MON2: variants seen among roughly 807,000 people sequenced by gnomAD.
MON2 encodes the protein MON2 regulator of endosome-to-Golgi trafficking, also known as protein MON2 homolog.
MON2 carries 84 observed loss-of-function variants against 208.6 expected under a neutral mutation model. The observed-to-expected ratio is 0.40, with a 90% confidence interval of 0.34 to 0.48. The LOEUF (loss-of-function observed/expected upper bound fraction) is 0.48. Ranked by LOEUF, MON2 falls within the 20% of genes least tolerant of loss-of-function variation. MON2 has a pLI of 0.59. For missense variants in MON2, 1,611 were observed against 2,015.4 expected (o/e 0.80, Z 3.84); for synonymous variants, 660 against 694.0 (o/e 0.95, Z 0.77).
intron 26 of MON2, among the ~76,000 whole-genome samples, chr12:62,563,850 C>T (rs1475894267): frequency 6.6e-6 from 1 of 151,984 alleles, no homozygotes; most frequent in Non-Finnish European, 1.5e-5. Context: ...TGTTGTTAGA[C>T]ATTGAAAATA....
At chr12:62,472,702 C>T (rs1288531573) in intron 1 of MON2, among the ~76,000 whole-genome samples, 1 of 152,174 alleles carries the variant, frequency 6.6e-6, no homozygotes, top group Non-Finnish European at 1.5e-5. Flanking sequence ...GTCATTGGCT[C>T]TCCTGGTTGG....
chr12:62,568,163 A>G (rs1016890540), intron 29 of MON2, among the ~76,000 whole-genome samples: 1 of 152,206 alleles, frequency 6.6e-6, no homozygotes, highest in African/African-American at 2.4e-5. Context: ...TATTATAGGT[A>G]AATTAAGCCG....
chr12:62,571,315 C>G, intron 29 of MON2, 77 bp from the exon 30 acceptor site: 1 of 1,071,888 alleles, frequency 9.3e-7, no homozygotes, highest in Non-Finnish European at 1.3e-6. Context: ...TATTTTTTCT[C>G]TGCTGTAGTT....
chr12:62,520,013 C>T (rs1182604096), intron 8 of MON2, among the ~76,000 whole-genome samples: 1 of 152,206 alleles, frequency 6.6e-6, no homozygotes, highest in Non-Finnish European at 1.5e-5. Context: ...GACGGGGTTT[C>T]ACCCCGTTAG....
rs2074175895 is a variant in MON2, at chr12:62,560,954, C to T, written c.3873C>T (p.Phe1291=). ...PALYQHIKTG[F]NMDDLQKLGV... is the part of the protein sequence containing the mutation. Reference sequence around the variant, plus strand: ...TCTACCAACACATAAAAACTGGTTTCAATATGGATGACTTGCAAAAGTTGG... The same window carrying T: ...TCTACCAACACATAAAAACTGGTTTTAATATGGATGACTTGCAAAAGTTGG... Residue 1291 remains phenylalanine, a synonymous_variant, in exon 26 of 35, where the codon TTC becomes TTT. Coordinates refer to ENST00000393630, the MANE Select transcript of MON2 (RefSeq NM_015026.3). 6.2e-7 allele frequency: 1 copy of T among 1,613,864 alleles called. No homozygotes were observed. Among genetic ancestry groups the T allele is most frequent in the African/African-American group, 1.3e-5 (1 of 74,920 alleles).
At chr12:62,513,472 C>CG (rs1282032286) in intron 8 of MON2, among the ~76,000 whole-genome samples, 1 of 151,954 alleles carries the variant, frequency 6.6e-6, no homozygotes, top group Non-Finnish European at 1.5e-5. Flanking sequence ...GCAACCCACC[C>CG]GCCTCGGCCT....
intron 33 of MON2, among the ~76,000 whole-genome samples, chr12:62,587,330 C>A (rs2075249683): frequency 6.6e-6 from 1 of 151,362 alleles, no homozygotes; most frequent in Admixed American, 6.6e-5. Context: ...TAATAGTAGT[C>A]TTTGTTTCCA....
intron 4 of MON2, among the ~76,000 whole-genome samples, chr12:62,497,174 GGA>G (rs1328635572): frequency 3.3e-5 from 4 of 121,842 alleles, no homozygotes; most frequent in African/African-American, 1.2e-4. Context: ...GGGGGAGGGG[GGA>G]GGGGGGAGGG....
chr12:62,509,072 A>G (rs2071253087), intron 8 of MON2: 1 of 151,800 alleles, frequency 6.6e-6, no homozygotes, highest in African/African-American at 2.4e-5. Context: ...TGTTAGGTCA[A>G]ATTCAGCATT....
At chr12:62,501,254 TA>T (rs1235466247) in intron 6 of MON2, among the ~76,000 whole-genome samples, 1 of 152,186 alleles carries the variant, frequency 6.6e-6, no homozygotes, top group Non-Finnish European at 1.5e-5. Flanking sequence ...TAATTTTAGG[TA>T]AAACAAGATT....
rs1057167292 is a variant in MON2 at position 62,599,197 on chromosome 12, A to G, written c.*6448A>G. ...TTAATATATAAAATGAAAAAATAATAAACAGAAGACACGAAGTGTCTCTCA... is the reference window on the plus strand; with the variant it reads ...TTAATATATAAAATGAAAAAATAATGAACAGAAGACACGAAGTGTCTCTCA... On this transcript the variant is annotated 3_prime_UTR_variant, in exon 35 of 35. Coordinates refer to ENST00000393630, the MANE Select transcript of MON2 (RefSeq NM_015026.3). 4 of 152,232 alleles carry G rather than the reference A, an allele frequency of 2.6e-5. No individual in the cohort carries two copies. The highest frequency in any genetic ancestry group is 5.9e-5 in the Non-Finnish European group (4 of 68,032). The allele number at this position is 152,232 out of a possible 1,614,324, so 9.4% of individuals were successfully genotyped here. A position where few individuals can be genotyped will look rare whatever the true frequency, so the allele number is the denominator to read the frequency against.
At chr12:62,539,938 C>G (rs561470718) in intron 19 of MON2, among the ~76,000 whole-genome samples, 3 of 151,974 alleles carry the variant, frequency 2.0e-5, no homozygotes, top group Admixed American at 2.0e-4. Context: ...CACTGCGCTC[C>G]AGCCTGGGCG....
chr12:62,577,125 T>G (rs1223323744), intron 30 of MON2, among the ~76,000 whole-genome samples: 2 of 152,062 alleles, frequency 1.3e-5, no homozygotes, highest in Non-Finnish European at 2.9e-5. Context: ...GGTTATAAAT[T>G]AAAATTAAAC....
intron 30 of MON2, among the ~76,000 whole-genome samples, chr12:62,573,723 G>A (rs950891672): frequency 5.3e-5 from 8 of 150,414 alleles, no homozygotes; most frequent in African/African-American, 2.0e-4. Context: ...CCTTATTCTT[G>A]AATTTCTTAT....
chr12:62,498,845 C>T, intron 4 of MON2, 74 bp from the exon 5 acceptor site: 1 of 1,426,782 alleles, frequency 7.0e-7, no homozygotes, highest in Non-Finnish European at 9.3e-7. Flanking sequence ...AACAACCAAA[C>T]ATAAATTATT....
At chr12:62,525,717 C>T (rs7136794) in intron 10 of MON2, among the ~76,000 whole-genome samples, 99,634 of 151,994 alleles carry the variant, frequency 0.66, 32,665 homozygotes, top group Middle Eastern at 0.71. Flanking sequence ...CATTTATCAG[C>T]ATTTTTACTT....
At chr12:62,551,545 G>T (rs1441643749) in intron 23 of MON2, among the ~76,000 whole-genome samples, 1 of 152,098 alleles carries the variant, frequency 6.6e-6, no homozygotes, top group East Asian at 1.9e-4. Context: ...AATATTACAA[G>T]TATTACTAAA....
intron 1 of MON2, among the ~76,000 whole-genome samples, chr12:62,480,091 A>C (rs1427522960): frequency 1.3e-5 from 2 of 152,234 alleles, no homozygotes; most frequent in Non-Finnish European, 2.9e-5. Context: ...CTATGAGAAT[A>C]AGATGATACA....
At chr12:62,532,049 G>A (rs1174352601) in intron 11 of MON2, among the ~76,000 whole-genome samples, 1 of 152,086 alleles carries the variant, frequency 6.6e-6, no homozygotes, top group Non-Finnish European at 1.5e-5. Context: ...GATTACAGGC[G>A]TGAGCCACCA....
Sources: allele counts gnomAD v4.1 joint callset (sites outside exome capture counted in the v4.1 genomes callset), GRCh38; gene constraint gnomAD v4.1.1; transcripts MANE v1.5; gene names NCBI Gene and HGNC (gene_info 2026-07-23, HGNC 2026-07-21).